Variants in LYPD6B observed in about 807,000 individuals in gnomAD.
LYPD6B encodes ly6/PLAUR domain-containing protein 6B.
LYPD6B carries 17 observed loss-of-function variants against 22.8 expected under a neutral mutation model. That is an observed-to-expected ratio of 0.75 (90% confidence interval 0.51 to 1.12). LYPD6B has a LOEUF of 1.12. LYPD6B is among the 50% of genes most tolerant of loss of function. LYPD6B has a pLI of 0.00. For missense variants in LYPD6B, 221 were observed against 258.3 expected (o/e 0.86, Z 0.99); for synonymous variants, 106 against 91.6 (o/e 1.16, Z -0.90).
chr2:149,140,559 C>A (rs1460020778), intron 2 of LYPD6B, among the ~76,000 whole-genome samples: 3 of 152,188 alleles, frequency 2.0e-5, no homozygotes, highest in Admixed American at 2.0e-4. Flanking sequence ...CCGACTCACA[C>A]CTGCTGGACC....
chr2:149,144,224 C>T (rs1332517371), intron 2 of LYPD6B, among the ~76,000 whole-genome samples: 3 of 152,124 alleles, frequency 2.0e-5, no homozygotes, highest in South Asian at 2.1e-4. Flanking sequence ...CTGAAGCCAG[C>T]CTGCCAGTTT....
intron 2 of LYPD6B, among the ~76,000 whole-genome samples, chr2:149,139,417 C>T (rs577604702): frequency 6.6e-6 from 1 of 152,046 alleles, no homozygotes; most frequent in Admixed American, 6.6e-5. Flanking sequence ...TATAATCTGC[C>T]GCTTCATTAG....
At chr2:149,048,356 T>A (rs748214007) in intron 1 of LYPD6B, among the ~76,000 whole-genome samples, 2 of 152,228 alleles carry the variant, frequency 1.3e-5, no homozygotes, top group Admixed American at 1.3e-4. Flanking sequence ...ATTCTCAGTG[T>A]ACCCCCAGAC....
intron 2 of LYPD6B, among the ~76,000 whole-genome samples, chr2:149,157,733 T>C (rs532351401): frequency 1.4e-3 from 206 of 152,340 alleles, no homozygotes; most frequent in African/African-American, 4.7e-3. Context: ...CTTTCAACTA[T>C]TAGATTCTCT....
Position 149,124,397 on chromosome 2 carries a change from G to A in LYPD6B, c.-66-6486G>A, listed in dbSNP as rs117788457. On this transcript the variant is annotated intron_variant, in intron 1 of 6. Coordinates refer to ENST00000409642, the MANE Select transcript of LYPD6B (RefSeq NM_177964.5). Reference sequence around the variant, plus strand: ...AATTATGTGCATGTGGAAAACCCACGTAAAGGTGTGTTTAGTGATAAGTGC... The same window carrying A: ...AATTATGTGCATGTGGAAAACCCACATAAAGGTGTGTTTAGTGATAAGTGC... Among the ~76,000 whole-genome samples, 191 of 152,304 alleles carry A rather than the reference G, an allele frequency of 1.3e-3. 5 individuals carry two copies. The East Asian group carries it at 0.033, about 26-fold the overall frequency.
chr2:149,051,982 A>G (rs1357737334), intron 1 of LYPD6B, among the ~76,000 whole-genome samples: 1 of 152,154 alleles, frequency 6.6e-6, no homozygotes, highest in African/African-American at 2.4e-5. Context: ...GTTGTCCTCC[A>G]GAAAGCATGA....
At chr2:149,171,929 C>G (rs1033910743) in intron 3 of LYPD6B, among the ~76,000 whole-genome samples, 1 of 152,052 alleles carries the variant, frequency 6.6e-6, no homozygotes, top group Non-Finnish European at 1.5e-5. Flanking sequence ...TTGTGGCTCC[C>G]AGGCCCCTGG....
At chr2:149,047,703 A>G (rs1683375147) in intron 1 of LYPD6B, among the ~76,000 whole-genome samples, 1 of 152,088 alleles carries the variant, frequency 6.6e-6, no homozygotes, top group South Asian at 2.1e-4. Flanking sequence ...ATTTTTTCAA[A>G]TATTTCTTCT....
chr2:149,126,432 A>G (rs971183264), intron 1 of LYPD6B, among the ~76,000 whole-genome samples: 1 of 152,222 alleles, frequency 6.6e-6, no homozygotes, highest in Non-Finnish European at 1.5e-5. Flanking sequence ...TATATGTTGT[A>G]TTCTTACAAT....
At chr2:149,181,407 T>G (rs1275601235) in intron 3 of LYPD6B, among the ~76,000 whole-genome samples, 1 of 149,628 alleles carries the variant, frequency 6.7e-6, no homozygotes, top group Non-Finnish European at 1.5e-5. Context: ...TTCAGTGACA[T>G]GAGATGACAG....
intron 3 of LYPD6B, among the ~76,000 whole-genome samples, chr2:149,164,857 T>G (rs229336): frequency 0.82 from 124,859 of 152,162 alleles, 51,363 homozygotes; most frequent in African/African-American, 0.83. Context: ...TGATAATAAA[T>G]CCTCATTTGT....
chr2:149,176,133 A>T (rs1691286756), intron 3 of LYPD6B, among the ~76,000 whole-genome samples: 1 of 152,156 alleles, frequency 6.6e-6, no homozygotes, highest in Non-Finnish European at 1.5e-5. Flanking sequence ...ATCACCACAA[A>T]CATGTTAGCA....
intron 2 of LYPD6B, among the ~76,000 whole-genome samples, chr2:149,142,491 T>C (rs1207961143): frequency 6.6e-6 from 1 of 152,140 alleles, no homozygotes; most frequent in East Asian, 1.9e-4. Context: ...AAAGAAGTGT[T>C]GAGTGAGAAG....
Position 149,062,173 on chromosome 2 carries a change from G to T in LYPD6B, c.-67+23372G>T, listed in dbSNP as rs565055038. 2.0e-4 allele frequency among the ~76,000 whole-genome samples: 31 copies of T among 152,216 alleles called. No individual in the cohort carries two copies. In the South Asian group the frequency reaches 5.0e-3, roughly 24 times the overall value. On this transcript the variant is annotated intron_variant, in intron 1 of 6. Coordinates refer to ENST00000409642, the MANE Select transcript of LYPD6B (RefSeq NM_177964.5). ...AGGCTAATTTTGTATTTTTAGTAGA[G>T]ACGGGGTTTCTCCATGTTGGTCAGG...
chr2:149,213,830 G>C (rs1310186426), intron 6 of LYPD6B, among the ~76,000 whole-genome samples: 1 of 152,132 alleles, frequency 6.6e-6, no homozygotes, highest in Non-Finnish European at 1.5e-5. Flanking sequence ...CTGGGTGTCA[G>C]GATCTTTTTA....
chr2:149,204,170 G>A (rs889045441), intron 3 of LYPD6B, among the ~76,000 whole-genome samples: 3 of 152,060 alleles, frequency 2.0e-5, no homozygotes, highest in African/African-American at 4.8e-5. Flanking sequence ...CACATTTGAC[G>A]CTCACATTTA....
intron 2 of LYPD6B, among the ~76,000 whole-genome samples, chr2:149,143,703 T>A (rs1373004043): frequency 6.6e-6 from 1 of 152,190 alleles, no homozygotes; most frequent in Non-Finnish European, 1.5e-5. Flanking sequence ...TAATTGTTTT[T>A]AAATTGCAAT....
intron 1 of LYPD6B, among the ~76,000 whole-genome samples, chr2:149,041,473 A>T (rs1168285439): frequency 6.6e-6 from 1 of 152,210 alleles, no homozygotes; most frequent in Non-Finnish European, 1.5e-5. Flanking sequence ...TCATTGGCAA[A>T]GGAGAAGAGG....
intron 3 of LYPD6B, among the ~76,000 whole-genome samples, chr2:149,199,185 A>C (rs745796289): frequency 1.3e-5 from 2 of 152,160 alleles, no homozygotes; most frequent in African/African-American, 2.4e-5. Flanking sequence ...TACTTATGTA[A>C]TTGTGCTCAA....
Sources: gnomAD v4.1 joint callset for allele counts (sites outside exome capture counted in the v4.1 genomes callset) on GRCh38, gnomAD v4.1.1 for gene constraint, MANE v1.5 for transcripts, NCBI Gene and HGNC (gene_info 2026-07-23, HGNC 2026-07-21) for gene names.